ATXN1: variants seen among roughly 807,000 people sequenced by gnomAD.
ATXN1 encodes the protein ataxin-1.
In ATXN1, 8 loss-of-function variants were observed where a neutral mutation model predicts 56.4. That is an observed-to-expected ratio of 0.14 (90% CI 0.08 to 0.26). The LOEUF is 0.26. Ranked by LOEUF, ATXN1 falls within the 10% of genes least tolerant of loss-of-function variation. The pLI, the probability that ATXN1 is intolerant of heterozygous loss-of-function variation, is 1.00. For missense variants in ATXN1, 987 were observed against 1,106.5 expected (o/e 0.89, Z 1.53); for synonymous variants, 514 against 494.6 (o/e 1.04, Z -0.52).
intron 6 of ATXN1, among the ~76,000 whole-genome samples, chr6:16,388,051 T>C (rs942075434): frequency 6.6e-6 from 1 of 152,216 alleles, no homozygotes; most frequent in Admixed American, 6.5e-5. Flanking sequence ...AGTCCATAGA[T>C]GTGATCATTA....
chr6:16,752,855 T>A (rs921198734), intron 2 of ATXN1: 6 of 177,452 alleles, frequency 3.4e-5, no homozygotes, highest in African/African-American at 1.4e-4. Flanking sequence ...GCTACGCACA[T>A]ATTATACTAC....
intron 6 of ATXN1, among the ~76,000 whole-genome samples, chr6:16,438,389 C>T (rs1306150257): frequency 1.3e-5 from 2 of 152,192 alleles, no homozygotes; most frequent in Non-Finnish European, 2.9e-5. Flanking sequence ...TATTTTTTCT[C>T]CATTTTTTAA....
intron 7 of ATXN1, among the ~76,000 whole-genome samples, chr6:16,311,989 C>T (rs192309111): frequency 6.6e-5 from 10 of 152,294 alleles, no homozygotes; most frequent in Admixed American, 3.9e-4. Flanking sequence ...CGGATAACTC[C>T]CTGTCTCCTT....
At chr6:16,528,574 T>C (rs1337650853) in intron 4 of ATXN1, among the ~76,000 whole-genome samples, 1 of 152,268 alleles carries the variant, frequency 6.6e-6, no homozygotes, top group African/African-American at 2.4e-5. Flanking sequence ...CTTGTCGTTG[T>C]ATTGTATCAT....
At chr6:16,307,324 G>A (rs1760273586) in intron 7 of ATXN1, among the ~76,000 whole-genome samples, 2 of 152,158 alleles carry the variant, frequency 1.3e-5, no homozygotes, top group Admixed American at 1.3e-4. Context: ...GAGACTGTGA[G>A]TTCCAAGAAG....
At chr6:16,467,571 A>G (rs1760133059) in intron 6 of ATXN1, among the ~76,000 whole-genome samples, 1 of 152,208 alleles carries the variant, frequency 6.6e-6, no homozygotes, top group Non-Finnish European at 1.5e-5. Flanking sequence ...TCTATCTACC[A>G]TCTTTTCTGA....
At chr6:16,613,397 A>G (rs553059764) in intron 3 of ATXN1, among the ~76,000 whole-genome samples, 19 of 151,790 alleles carry the variant, frequency 1.3e-4, no homozygotes, top group Non-Finnish European at 1.9e-4. Context: ...CAAAAATAAG[A>G]TTGACTTACT....
At chr6:16,615,736 T>G (rs1283167795) in intron 3 of ATXN1, 1 of 151,126 alleles carries the variant, frequency 6.6e-6, no homozygotes, top group East Asian at 1.9e-4. Flanking sequence ...AAAACAAGAG[T>G]CAATGATTAA....
chr6:16,494,513 T>C (rs953745698), intron 5 of ATXN1, among the ~76,000 whole-genome samples: 2 of 152,188 alleles, frequency 1.3e-5, no homozygotes, highest in Admixed American at 1.3e-4. Context: ...TTCATGTTGA[T>C]CCATGTCACT....
intron 3 of ATXN1, among the ~76,000 whole-genome samples, chr6:16,639,417 G>A (rs916388639): frequency 3.9e-5 from 6 of 152,126 alleles, no homozygotes; most frequent in South Asian, 2.1e-4. Flanking sequence ...AGGTTCAAGC[G>A]ATTCTCCTGC....
chr6:16,326,266 C>G lies in ATXN1; in HGVS notation c.1917+128G>C. The G allele has an allele frequency of 2.1e-6, 3 of 1,454,538 alleles. No homozygotes were observed. Among genetic ancestry groups the G allele is most frequent in the Non-Finnish European group, 2.7e-6 (3 of 1,108,004 alleles). 90.1% of individuals were successfully genotyped at this position (1,454,538 alleles called of 1,614,324 possible). A position where few individuals can be genotyped will look rare whatever the true frequency, so the allele number is the denominator to read the frequency against. On this transcript the variant is annotated intron_variant, in intron 7 of 7. Coordinates refer to ENST00000436367, the MANE Select transcript of ATXN1 (RefSeq NM_001128164.2). This position sits in a 1 kb window ranked among gnomAD's most constrained non-coding sequence, Gnocchi z 6.6. ...TCTAGAGAACGCAGTTGGGAAAGGC[C>G]GAGTCTAAGGTCTAGGTGTACCCGA...
At chr6:16,675,605 G>A (rs1182177091) in intron 2 of ATXN1, among the ~76,000 whole-genome samples, 1 of 152,174 alleles carries the variant, frequency 6.6e-6, no homozygotes, top group African/African-American at 2.4e-5. Flanking sequence ...TGGAGGCCAG[G>A]TGCGGTGGCT....
At chr6:16,373,243 T>C (rs1471813163) in intron 6 of ATXN1, among the ~76,000 whole-genome samples, 1 of 152,280 alleles carries the variant, frequency 6.6e-6, no homozygotes, top group African/African-American at 2.4e-5. Flanking sequence ...TTTCTCCGTA[T>C]AAACGTCCTG....
intron 3 of ATXN1, among the ~76,000 whole-genome samples, chr6:16,645,753 A>T (rs948279951): frequency 6.6e-6 from 1 of 152,224 alleles, no homozygotes; most frequent in Non-Finnish European, 1.5e-5. Context: ...GGCAAAAAGG[A>T]GTTGCTCAGT....
intron 2 of ATXN1, among the ~76,000 whole-genome samples, chr6:16,746,834 G>A (rs1357712379): frequency 6.6e-6 from 1 of 152,090 alleles, no homozygotes; most frequent in Non-Finnish European, 1.5e-5. Context: ...GGTCTTGGGG[G>A]AGCCGGGAGC....
intron 6 of ATXN1, among the ~76,000 whole-genome samples, chr6:16,431,854 C>G (rs1038181839): frequency 6.6e-6 from 1 of 152,132 alleles, no homozygotes; most frequent in African/African-American, 2.4e-5. Context: ...TACAACTTGG[C>G]CATCAGGCTA....
chr6:16,435,194 C>T (rs146364623), intron 6 of ATXN1, among the ~76,000 whole-genome samples: 5 of 152,200 alleles, frequency 3.3e-5, no homozygotes, highest in East Asian at 1.9e-4. Flanking sequence ...TGACTTTGAA[C>T]GTGCTGAGTT....
rs975025755 is a variant in ATXN1, at chr6:16,318,025, T to G, written c.1917+8369A>C. On this transcript the variant is annotated intron_variant, in intron 7 of 7. Coordinates refer to ENST00000436367, the MANE Select transcript of ATXN1 (RefSeq NM_001128164.2). ...AATTCAATAAAATTCCTTTCACCAC[T>G]TAGTCAATAACTACTATATCTAAAC... 2.0e-5 allele frequency among the ~76,000 whole-genome samples: 3 copies of G among 152,248 alleles called. No homozygotes were observed. The South Asian group carries it at 6.2e-4, about 31-fold the overall frequency.
intron 3 of ATXN1, among the ~76,000 whole-genome samples, chr6:16,591,673 C>A (rs1360334501): frequency 1.3e-5 from 2 of 152,246 alleles, no homozygotes; most frequent in Admixed American, 6.5e-5. Context: ...CCTTTCTAGA[C>A]TATGAGCTCC....
Sources: allele counts gnomAD v4.1 joint callset (sites outside exome capture counted in the v4.1 genomes callset), GRCh38; gene constraint gnomAD v4.1.1; non-coding constraint Gnocchi (gnomAD v3.1); transcripts MANE v1.5; gene names NCBI Gene and HGNC (gene_info 2026-07-23, HGNC 2026-07-21).